The following ATAD5 variants were observed in gnomAD, a reference collection of about 807,000 sequenced individuals.
The protein encoded by ATAD5 is ATPase family AAA domain containing 5.
In ATAD5, 58 loss-of-function variants were observed where a neutral mutation model predicts 176.9. The observed-to-expected ratio is 0.33, with a 90% CI of 0.27 to 0.41. The LOEUF (loss-of-function observed/expected upper bound fraction) is 0.41. Among genes scored for constraint, ATAD5 ranks in the 10% least tolerant of loss-of-function variants. The probability of loss-of-function intolerance (pLI) is 1.00; values close to 1 mark genes in which losing one functional copy is unlikely to be tolerated. For synonymous variants in ATAD5, 640 were observed against 712.6 expected (o/e 0.90, Z 1.62); for missense variants, 1,789 against 2,094.1 (o/e 0.85, Z 2.84).
rs780531799 is a variant in ATAD5 at position 30,858,306 on chromosome 17, A to T, written c.2939A>T (p.Glu980Val). The T allele has an allele frequency of 6.5e-7, 1 of 1,543,320 alleles. No individual in the cohort carries two copies. The highest frequency in any genetic ancestry group is 1.3e-5 in the South Asian group (1 of 77,270). ...ATTGAGCACCAAGTACTTTCTTCCG[A>T]GTGTCATAGTAAACAAGGTTAGTGA... ...KQIEHQVLSS[E>V]CHSKQELEAD... The change falls in exon 9 of 23, where the codon GAG becomes GTG. Residue 980 changes from glutamate (E) to valine (V), a missense_variant. By Grantham distance (121) the Glu-to-Val change is moderately radical. Transcript: ENST00000321990.
chr17:30,868,508 A>ATTTTT, intron 12 of ATAD5, 96 bp downstream of exon 12: 1 of 731,384 alleles, frequency 1.4e-6, no homozygotes, highest in Non-Finnish European at 1.8e-6. Flanking sequence ...TTTTTTTTTT[A>ATTTTT]ATTTTTTTTT....
intron 6 of ATAD5, among the ~76,000 whole-genome samples, chr17:30,847,914 G>A (rs1470912223): frequency 2.6e-5 from 4 of 151,168 alleles, no homozygotes; most frequent in Non-Finnish European, 4.4e-5. Context: ...TAGAGATGGG[G>A]TTTCACCATG....
Position 30,855,278 on chromosome 17 carries a change from A to G in ATAD5, c.2586A>G (p.Ala862=). ...CTGCTGCGCTGGATGTGTACAATGCAGTGAGTACCAGTTTCCAGAGAGTCG... is the reference window on the plus strand; with the variant it reads ...CTGCTGCGCTGGATGTGTACAATGCGGTGAGTACCAGTTTCCAGAGAGTCG... ...KKAAALDVYN[A]VSTSFQRVVH... The change falls in exon 7 of 23, where the codon GCA becomes GCG. Residue 862 remains alanine, a synonymous_variant. Coordinates refer to ENST00000321990, the MANE Select transcript of ATAD5 (RefSeq NM_024857.5). The G allele has an allele frequency of 1.9e-6, 3 of 1,608,610 alleles. No individual in the cohort carries two copies. Among genetic ancestry groups the G allele is most frequent in the Non-Finnish European group, 2.5e-6 (3 of 1,178,580 alleles).
chr17:30,836,958 T>G (rs1905784462), intron 2 of ATAD5, among the ~76,000 whole-genome samples: 1 of 152,174 alleles, frequency 6.6e-6, no homozygotes, highest in Non-Finnish European at 1.5e-5. Flanking sequence ...GGAGCCCTAG[T>G]TGGTTCTTTG....
chr17:30,844,129 A>G, intron 5 of ATAD5, 90 bp downstream of exon 5: 1 of 1,094,866 alleles, frequency 9.1e-7, no homozygotes, highest in East Asian at 3.2e-5. Context: ...GTATTTATTT[A>G]TTTATTTATT....
chr17:30,855,418 T>G, intron 7 of ATAD5, 91 bp downstream of exon 7: 1 of 1,261,106 alleles, frequency 7.9e-7, no homozygotes, highest in Non-Finnish European at 1.1e-6. Context: ...AGGCTGAAGT[T>G]TAATTATCAT....
At chr17:30,855,375 G>T in intron 7 of ATAD5, 48 bp downstream of exon 7, 1 of 1,495,814 alleles carries the variant, frequency 6.7e-7, no homozygotes, top group South Asian at 1.3e-5. Flanking sequence ...GCTGTTAGCA[G>T]GAACATTAAA....
chr17:30,877,655 G>T, intron 16 of ATAD5, 106 bp downstream of exon 16: 1 of 1,156,038 alleles, frequency 8.7e-7, no homozygotes, highest in East Asian at 2.4e-5. Context: ...AAGGAGGTCA[G>T]GAATACGTGT....
chr17:30,888,698 A>G (rs1370530673), intron 19 of ATAD5, among the ~76,000 whole-genome samples: 1 of 152,188 alleles, frequency 6.6e-6, no homozygotes, highest in Admixed American at 6.5e-5. Flanking sequence ...AAAAAAGGAG[A>G]GATCTGAACT....
intron 4 of ATAD5, 136 bp downstream of exon 4, chr17:30,840,917 T>C (rs1906068141): frequency 1.1e-6 from 1 of 899,234 alleles, no homozygotes. Flanking sequence ...CATTTTCAGT[T>C]TTGCTTTAAA....
At position 30,890,566 on chromosome 17, in the gene ATAD5, C is replaced by T. The variant is rs1012487391; in HGVS notation, c.4259-2041C>T. On this transcript the variant is annotated intron_variant, in intron 19 of 22. Transcript: ENST00000321990. ...CCTCCCAAGTAATTGGGTCTACAGGCGTGTACCACCACACCCAGCTAATTT... is the reference window on the plus strand; with the variant it reads ...CCTCCCAAGTAATTGGGTCTACAGGTGTGTACCACCACACCCAGCTAATTT... Among the ~76,000 whole-genome samples, 6 of 151,486 alleles carry T rather than the reference C, an allele frequency of 4.0e-5. No homozygotes were observed. The East Asian group carries it at 9.7e-4, about 24-fold the overall frequency.
chr17:30,893,184 T>G, intron 20 of ATAD5, 110 bp from the exon 21 acceptor site: 1 of 1,143,904 alleles, frequency 8.7e-7, no homozygotes, highest in Non-Finnish European at 1.2e-6. Context: ...TGAGGGGTAG[T>G]GACTCAGTAC....
In ATAD5 at chr17:30,835,345, T is replaced by G. The variant is rs759042319; in HGVS notation, c.1264T>G (p.Ser422Ala). 3 of 1,613,332 alleles carry G rather than the reference T, an allele frequency of 1.9e-6. No homozygotes were observed. The highest frequency in any genetic ancestry group is 2.5e-6 in the Non-Finnish European group (3 of 1,179,768). The change falls in exon 2 of 23, where the codon TCT becomes GCT. Residue 422 changes from serine to alanine, a missense_variant. Coordinates refer to ENST00000321990, the MANE Select transcript of ATAD5 (RefSeq NM_024857.5). ...TGCACTTAAAAATGGAGTTAAAAAG[T>G]CTTCTGATAAGCAGAAAGACCTTAA... ...SDALKNGVKK[S>A]SDKQKDLNEK...
rs150758429 is a variant in ATAD5 at position 30,878,288 on chromosome 17, G to A, written c.4012+192G>A. ...CTCTAGAATGCAAATAAGAAATCTA[G>A]TAATGGTATTTTGGTAGGGAAAATA... On this transcript the variant is annotated intron_variant, in intron 17 of 22. Transcript: ENST00000321990. 6.7e-4 allele frequency among the ~76,000 whole-genome samples: 102 copies of A among 152,204 alleles called. 1 individual carries two copies. The East Asian group carries it at 0.019, about 28-fold the overall frequency.
At position 30,893,718 on chromosome 17, in the gene ATAD5, CAAAG is replaced by C. The variant is rs1909758660; in HGVS notation, c.4869_4872del (p.Lys1623AsnfsTer23). On this transcript the variant is annotated frameshift_variant, in exon 21 of 23. Transcript: ENST00000321990. LOFTEE classifies it high-confidence loss of function. ...AGAGACAAAGGAAACAATCCAGAGA[CAAAG>C]AAATCTATTCCTTGTCCTCCTAAAA... 6.2e-7 allele frequency: 1 copy of C among 1,613,752 alleles called. No homozygotes were observed. Among genetic ancestry groups the C allele is most frequent in the Admixed American group, 1.7e-5 (1 of 59,972 alleles).
intron 18 of ATAD5, among the ~76,000 whole-genome samples, chr17:30,886,610 CCT>C (rs1286954750): frequency 6.6e-6 from 1 of 151,730 alleles, no homozygotes; most frequent in Non-Finnish European, 1.5e-5. Flanking sequence ...CTTGCCTCAG[CCT>C]CTCTCAATTT....
chr17:30,840,217 AAAC>A lies in ATAD5; in HGVS notation c.2077-396_2077-394del, dbSNP rs1447367116. On this transcript the variant is annotated intron_variant, in intron 3 of 22. Transcript: ENST00000321990. ...TGTTAAAAAAAAAAAAAAAAAAAAA[AAAC>A]AACCTTGAGGCCAAGGTCCATGTAT... Among the ~76,000 whole-genome samples, 607 of 148,038 alleles carry A rather than the reference AAAC, an allele frequency of 4.1e-3. 3 individuals carry two copies. The highest frequency in any genetic ancestry group is 0.011 in the South Asian group (52 of 4,688).
chr17:30,838,445 T>C (rs1275560788), intron 3 of ATAD5, among the ~76,000 whole-genome samples: 1 of 152,206 alleles, frequency 6.6e-6, no homozygotes, highest in Non-Finnish European at 1.5e-5. Flanking sequence ...TAAATATTAT[T>C]TAACCCTTTT....
rs548630785 is a variant in ATAD5, at chr17:30,874,006, A to T, written c.3608-2368A>T. On this transcript the variant is annotated intron_variant, in intron 14 of 22. Coordinates refer to ENST00000321990, the MANE Select transcript of ATAD5 (RefSeq NM_024857.5). The stretch of plus-strand genomic sequence containing the variant: ...ATGGTGAAATGCCATCTCTACTAAA[A>T]ATAGAAAAATTAGCCAGGTGTGGTG... Among the ~76,000 whole-genome samples the T allele has an allele frequency of 4.6e-5, 7 of 151,904 alleles. No individual in the cohort carries two copies. The South Asian group carries it at 1.2e-3, about 27-fold the overall frequency.
Sources: gnomAD v4.1 joint callset for allele counts (sites outside exome capture counted in the v4.1 genomes callset) on GRCh38, gnomAD v4.1.1 for gene constraint, MANE v1.5 for transcripts, NCBI Gene and HGNC (gene_info 2026-07-23, HGNC 2026-07-21) for gene names.